TDRD5: variants seen among roughly 807,000 people sequenced by gnomAD.
TDRD5 encodes tudor domain-containing protein 5.
TDRD5 carries 41 observed loss-of-function variants against 120.6 expected under a neutral mutation model. The observed-to-expected ratio is 0.34, with a 90% CI of 0.26 to 0.44. The LOEUF (loss-of-function observed/expected upper bound fraction) is 0.44. TDRD5 is among the 20% of genes least tolerant of loss of function. The pLI, the probability that TDRD5 is intolerant of heterozygous loss-of-function variation, is 1.00. For missense variants in TDRD5, 1,006 were observed against 1,221.2 expected (o/e 0.82, Z 2.63); for synonymous variants, 430 against 433.7 (o/e 0.99, Z 0.11).
chr1:179,658,708 G>A (rs1043853304), intron 14 of TDRD5, among the ~76,000 whole-genome samples: 1 of 151,862 alleles, frequency 6.6e-6, no homozygotes, highest in African/African-American at 2.4e-5. Flanking sequence ...CCATTTTATT[G>A]AACTTCCCAT....
chr1:179,675,373 G>C (rs1360256163), intron 17 of TDRD5, among the ~76,000 whole-genome samples: 1 of 138,296 alleles, frequency 7.2e-6, no homozygotes, highest in African/African-American at 2.8e-5. Flanking sequence ...TCCGCCTCTT[G>C]GGTTCATGCC....
chr1:179,622,682 A>G (rs1218427306), intron 6 of TDRD5, among the ~76,000 whole-genome samples: 1 of 152,198 alleles, frequency 6.6e-6, no homozygotes, highest in Non-Finnish European at 1.5e-5. Context: ...AGCTTTAGTA[A>G]ACTTCAAGAC....
At chr1:179,610,937 G>C (rs1411884295) in intron 4 of TDRD5, among the ~76,000 whole-genome samples, 2 of 151,960 alleles carry the variant, frequency 1.3e-5, no homozygotes, top group Non-Finnish European at 2.9e-5. Context: ...TTCATTCATT[G>C]ACATGTTGTA....
At chr1:179,620,894 C>CA (rs35624250) in intron 5 of TDRD5, 141 bp from the exon 6 acceptor site, 144,179 of 577,236 alleles carry the variant, frequency 0.25, 15,551 homozygotes, top group East Asian at 0.3. Context: ...AACTCATTTT[C>CA]AAAAAAAAAC....
Position 179,630,856 on chromosome 1 carries a change from T to A in TDRD5, c.1062T>A (p.Val354=), listed in dbSNP as rs1677399727. ...LVGALSDILH[V]EFRKGHQDLL... is the part of the protein sequence containing the mutation. ...GAGCTCTTAGTGACATTCTCCATGTTGAGTTCAGGAAAGGACACCAAGACT... is the reference window on the plus strand; with the variant it reads ...GAGCTCTTAGTGACATTCTCCATGTAGAGTTCAGGAAAGGACACCAAGACT... Residue 354 remains valine (V), a synonymous_variant, in exon 7 of 18, where the codon GTT becomes GTA. Transcript: ENST00000444136. 1 of 1,614,034 alleles carries A rather than the reference T, an allele frequency of 6.2e-7. No homozygotes were observed. The highest frequency in any genetic ancestry group is 1.7e-5 in the Admixed American group (1 of 60,010).
At chr1:179,627,435 G>C (rs916867100) in intron 6 of TDRD5, among the ~76,000 whole-genome samples, 2 of 152,096 alleles carry the variant, frequency 1.3e-5, no homozygotes, top group African/African-American at 4.8e-5. Context: ...AAGAAGAAAG[G>C]GTGAACATAT....
intron 17 of TDRD5, among the ~76,000 whole-genome samples, chr1:179,688,832 C>T (rs1412959044): frequency 5.3e-5 from 8 of 152,166 alleles, no homozygotes; most frequent in African/African-American, 1.4e-4. Context: ...TCCAGTTGAT[C>T]GAATCAGCTA....
intron 17 of TDRD5, among the ~76,000 whole-genome samples, chr1:179,677,846 T>C (rs1267266238): frequency 6.6e-6 from 1 of 152,016 alleles, no homozygotes; most frequent in Non-Finnish European, 1.5e-5. Flanking sequence ...AGCCAGGAGG[T>C]GGTGCTTTCA....
intron 14 of TDRD5, among the ~76,000 whole-genome samples, chr1:179,659,907 G>T (rs1329996176): frequency 6.6e-6 from 1 of 151,856 alleles, no homozygotes; most frequent in Non-Finnish European, 1.5e-5. Context: ...TGTTGGTCAG[G>T]CTGGTCTTGA....
chr1:179,630,432 C>T (rs939788746), intron 6 of TDRD5, among the ~76,000 whole-genome samples: 9 of 152,080 alleles, frequency 5.9e-5, no homozygotes, highest in Non-Finnish European at 1.2e-4. Context: ...TTTATTACGA[C>T]TGTTGTAATT....
chr1:179,664,432 C>CA (rs1161256765), intron 16 of TDRD5, among the ~76,000 whole-genome samples: 1 of 151,766 alleles, frequency 6.6e-6, no homozygotes, highest in African/African-American at 2.4e-5. Context: ...ATCACGCTCT[C>CA]AAAAAAAACC....
At position 179,592,809 on chromosome 1, in the gene TDRD5, G is replaced by A. The variant is rs769813658; in HGVS notation, c.194G>A (p.Arg65His). 1 of 1,614,154 alleles carries A rather than the reference G, an allele frequency of 6.2e-7. No individual in the cohort carries two copies. The highest frequency in any genetic ancestry group is 8.5e-7 in the Non-Finnish European group (1 of 1,180,030). Residue 65 changes from arginine (R) to histidine (H), a missense_variant, in exon 2 of 18, where the codon CGT (arginine) becomes CAT (histidine). Arg to His is a conservative substitution (Grantham distance 29). Coordinates refer to ENST00000444136, the MANE Select transcript of TDRD5 (RefSeq NM_001199085.3). ...ELVLDMPDVV[R>H]VCPGAGGTVI... ...GTATTGGACATGCCTGATGTTGTTC[G>A]TGTCTGCCCCGGTGCAGGTGGTACT... is the stretch of plus-strand genomic sequence containing the variant.
intron 4 of TDRD5, among the ~76,000 whole-genome samples, chr1:179,598,367 T>G (rs941935588): frequency 2.0e-5 from 3 of 152,248 alleles, no homozygotes; most frequent in Non-Finnish European, 4.4e-5. Context: ...ACATTTAATT[T>G]GATACAAATC....
chr1:179,645,279 G>T (rs1320608346), intron 11 of TDRD5, among the ~76,000 whole-genome samples: 1 of 150,922 alleles, frequency 6.6e-6, no homozygotes, highest in African/African-American at 2.4e-5. Context: ...TAGAGACGGG[G>T]TTTCACCGTT....
intron 13 of TDRD5, 141 bp from the exon 14 acceptor site, chr1:179,654,060 T>C (rs1678862279): frequency 3.2e-6 from 2 of 634,624 alleles, no homozygotes; most frequent in African/African-American, 1.8e-5. Context: ...TGGGAAGACC[T>C]AGGATCATGG....
intron 4 of TDRD5, among the ~76,000 whole-genome samples, 167 bp downstream of exon 4, chr1:179,595,985 A>G (rs1161914290): frequency 6.6e-6 from 1 of 152,248 alleles, no homozygotes; most frequent in Non-Finnish European, 1.5e-5. Flanking sequence ...AGAAGTGAGA[A>G]GTGGAGTGAA....
In TDRD5 at chr1:179,592,712, A is replaced by G. The variant is rs781717227; in HGVS notation, c.97A>G (p.Lys33Glu). The change falls in exon 2 of 18, where the codon AAG (lysine) becomes GAG (glutamate). Residue 33 changes from lysine to glutamate, a missense_variant. Transcript: ENST00000444136. The part of the protein sequence containing the change: ...KDGLSPQELE[K>E]EYLLMVGNHL... ...TGGTTTGAGCCCACAGGAGTTGGAG[A>G]AGGAGTACCTTTTGATGGTTGGCAA... 17 of 1,614,034 alleles carry G rather than the reference A, an allele frequency of 1.1e-5. No homozygotes were observed. The highest frequency in any genetic ancestry group is 1.4e-5 in the Non-Finnish European group (16 of 1,180,002).
intron 8 of TDRD5, among the ~76,000 whole-genome samples, chr1:179,634,882 A>G (rs1213913045): frequency 6.6e-6 from 1 of 152,212 alleles, no homozygotes; most frequent in Non-Finnish European, 1.5e-5. Context: ...CAGATCTCTC[A>G]TGATGTCTTG....
At chr1:179,592,962 TG>T in intron 2 of TDRD5, 115 bp downstream of exon 2, 10 of 1,102,572 alleles carry the variant, frequency 9.1e-6, no homozygotes, top group Non-Finnish European at 1.2e-5. Context: ...TTTAATTTGG[TG>T]GGGGAGGGAG....
Sources: allele counts gnomAD v4.1 joint callset (sites outside exome capture counted in the v4.1 genomes callset), GRCh38; gene constraint gnomAD v4.1.1; transcripts MANE v1.5; gene names NCBI Gene and HGNC (gene_info 2026-07-23, HGNC 2026-07-21).